The following TTC22 variants were observed in gnomAD, a reference collection of about 807,000 sequenced individuals.
The protein encoded by TTC22 is tetratricopeptide repeat protein 22.
TTC22 carries 42 observed loss-of-function variants against 48.2 expected under a neutral mutation model. The ratio of observed to expected loss-of-function variants is 0.87; its 90% confidence interval spans 0.68 to 1.13. The LOEUF (loss-of-function observed/expected upper bound fraction) is 1.13. Ranked by LOEUF, TTC22 falls within the 50% of genes most tolerant of loss-of-function variation. The probability of loss-of-function intolerance (pLI) is 0.00; values close to 1 mark genes in which losing one functional copy is unlikely to be tolerated. For synonymous variants in TTC22, 345 were observed against 365.5 expected (o/e 0.94, Z 0.64); for missense variants, 784 against 807.0 (o/e 0.97, Z 0.34).
At position 54,781,728 on chromosome 1, in the gene TTC22, C is replaced by G; in HGVS notation, c.1225G>C (p.Glu409Gln). 6 of 1,513,466 alleles carry G rather than the reference C, an allele frequency of 4.0e-6. No homozygotes were observed. The highest frequency in any genetic ancestry group is 5.3e-6 in the Non-Finnish European group (6 of 1,135,548). 93.8% of individuals were successfully genotyped at this position (1,513,466 alleles called of 1,614,324 possible). Reference sequence around the variant, plus strand: ...ACCAGCGCCTGGTTCAGCGCCGCCTCGTCCACCGCCAGCAGCTCCTGCACC... The same window carrying G: ...ACCAGCGCCTGGTTCAGCGCCGCCTGGTCCACCGCCAGCAGCTCCTGCACC... ...DAVQELLAVD[E>Q]AALNQALVFL... Residue 409 changes from glutamate (E) to glutamine (Q), a missense_variant, in exon 7 of 7, where the codon GAG becomes CAG. Coordinates refer to ENST00000371276, the MANE Select transcript of TTC22 (RefSeq NM_001114108.2).
chr1:54,795,341 T>C (rs751658974), intron 1 of TTC22, among the ~76,000 whole-genome samples: 8 of 152,352 alleles, frequency 5.3e-5, no homozygotes, highest in Non-Finnish European at 1.2e-4. Context: ...TGGCCCTGTC[T>C]TGGGCTCCCT....
intron 1 of TTC22, among the ~76,000 whole-genome samples, chr1:54,798,551 G>A (rs902608076): frequency 9.9e-5 from 15 of 152,250 alleles, no homozygotes; most frequent in Admixed American, 8.5e-4. Context: ...TGTGATGAAT[G>A]CCTGTGTCCT....
chr1:54,794,849 A>C (rs764782590), intron 1 of TTC22: 1 of 152,386 alleles, frequency 6.6e-6, no homozygotes, highest in Non-Finnish European at 1.5e-5. Context: ...TGTTGTTTCC[A>C]CCTCATCATG....
chr1:54,788,014 C>T, intron 2 of TTC22, 28 bp downstream of exon 2: 1 of 1,610,516 alleles, frequency 6.2e-7, no homozygotes, highest in South Asian at 1.1e-5. Flanking sequence ...CTCTTCCATC[C>T]CGTACCCCCA....
At chr1:54,797,929 C>T (rs1345319762) in intron 1 of TTC22, among the ~76,000 whole-genome samples, 1 of 151,754 alleles carries the variant, frequency 6.6e-6, no homozygotes, top group Non-Finnish European at 1.5e-5. Context: ...GCAGGGGGTC[C>T]CTCCTCCTCC....
Position 54,781,162 on chromosome 1 carries a change from G to T in TTC22, c.*81C>A. The T allele has an allele frequency of 9.7e-7, 1 of 1,027,850 alleles. No individual in the cohort carries two copies. Among genetic ancestry groups the T allele is most frequent in the Non-Finnish European group, 1.3e-6 (1 of 767,840 alleles). The allele number at this position is 1,027,850 out of a possible 1,614,324, so 63.7% of individuals were successfully genotyped here. A position where few individuals can be genotyped will look rare whatever the true frequency, so the allele number is the denominator to read the frequency against. ...CGCTCCCAGGTCAGCCTAAGGCAGG[G>T]AGTCCATCCGGACCTGGTCCCATCA... On this transcript the variant is annotated 3_prime_UTR_variant, in exon 7 of 7. Coordinates refer to ENST00000371276, the MANE Select transcript of TTC22 (RefSeq NM_001114108.2).
chr1:54,787,686 T>A (rs746628921), intron 3 of TTC22, 25 bp downstream of exon 3: 2 of 1,569,500 alleles, frequency 1.3e-6, no homozygotes, highest in Non-Finnish European at 1.7e-6. Flanking sequence ...GAGGCTGCTG[T>A]CCCACCCATC....
Position 54,781,187 on chromosome 1 carries a change from A to C in TTC22, c.*56T>G. ...GAGTCCATCCGGACCTGGTCCCATC[A>C]GCTGGGCGGGGCCTGGGCGGGGTCC... On this transcript the variant is annotated 3_prime_UTR_variant, in exon 7 of 7. Transcript: ENST00000371276. 1 of 1,278,992 alleles carries C rather than the reference A, an allele frequency of 7.8e-7. No individual in the cohort carries two copies. 79.2% of individuals were successfully genotyped at this position (1,278,992 alleles called of 1,614,324 possible). A position where few individuals can be genotyped will look rare whatever the true frequency, so the allele number is the denominator to read the frequency against.
Position 54,801,039 on chromosome 1 carries a change from C to T in TTC22, c.125G>A (p.Arg42His), listed in dbSNP as rs1646433275. ...CCGCTGCAGCTTCAGGTCCCGGGCG[C>T]GCTGTGGGGCCGGCGAGCGCGGCTC... ...NFEPRSPAPQRARDLKLQREG... is the reference protein window; with the variant it reads ...NFEPRSPAPQHARDLKLQREG... Residue 42 changes from arginine (R) to histidine (H), a missense_variant, in exon 1 of 7, where the codon CGC becomes CAC. Transcript: ENST00000371276. 6.2e-7 allele frequency: 1 copy of T among 1,612,076 alleles called. No individual in the cohort carries two copies.
chr1:54,787,322 G>A, intron 3 of TTC22: 1 of 548,820 alleles, frequency 1.8e-6, no homozygotes, highest in Non-Finnish European at 3.2e-6. Context: ...CAGGTACGTA[G>A]GTCTCTTCTG....
rs1342642308 is a variant in TTC22, at chr1:54,788,052, G to A, written c.613C>T (p.Leu205Phe). 4 of 1,613,840 alleles carry A rather than the reference G, an allele frequency of 2.5e-6. No homozygotes were observed. The highest frequency in any genetic ancestry group is 3.4e-6 in the Non-Finnish European group (4 of 1,179,944). ...ACCCTCTTGCCTGACCTGATGTAGA[G>A]TGTTGCCATGGTGAAATACCAGCCC... ...KRGWYFTMAT[L>F]YIRLDGIFLE... Residue 205 changes from leucine to phenylalanine, a missense_variant, in exon 2 of 7, where the codon CTC (leucine) becomes TTC (phenylalanine). Leu to Phe is a conservative substitution (Grantham distance 22, BLOSUM62 0). Coordinates refer to ENST00000371276, the MANE Select transcript of TTC22 (RefSeq NM_001114108.2).
intron 1 of TTC22, among the ~76,000 whole-genome samples, chr1:54,797,785 T>C (rs1013802161): frequency 5.9e-5 from 9 of 152,214 alleles, no homozygotes; most frequent in Non-Finnish European, 1.3e-4. Context: ...ATTATTATTG[T>C]TATTATTTTG....
At chr1:54,782,720 A>T (rs1051522722) in intron 5 of TTC22, among the ~76,000 whole-genome samples, 5 of 152,184 alleles carry the variant, frequency 3.3e-5, no homozygotes, top group African/African-American at 1.2e-4. Flanking sequence ...AGGATGAAGT[A>T]AGAGTCCCTT....
chr1:54,792,676 GC>G (rs976362796), intron 1 of TTC22, among the ~76,000 whole-genome samples: 5 of 152,108 alleles, frequency 3.3e-5, no homozygotes, highest in African/African-American at 1.2e-4. Context: ...CGGGTGATCT[GC>G]CCGCCTCGGC....
At chr1:54,796,991 G>A (rs1379488924) in intron 1 of TTC22, among the ~76,000 whole-genome samples, 1 of 152,128 alleles carries the variant, frequency 6.6e-6, no homozygotes, top group Non-Finnish European at 1.5e-5. Flanking sequence ...GTGGGCCAGG[G>A]CAGGCAGGGA....
chr1:54,786,589 G>T (rs1352598617), intron 4 of TTC22: 1 of 256,630 alleles, frequency 3.9e-6, no homozygotes, highest in Non-Finnish European at 7.3e-6. Flanking sequence ...CTTGCCTTAG[G>T]GTCACACAGC....
At chr1:54,796,406 A>G (rs1440110695) in intron 1 of TTC22, among the ~76,000 whole-genome samples, 1 of 152,226 alleles carries the variant, frequency 6.6e-6, no homozygotes, top group Non-Finnish European at 1.5e-5. Context: ...CACTGGGCCT[A>G]CCTGGGCAAG....
At chr1:54,781,995 A>G (rs1205207350) in intron 6 of TTC22, among the ~76,000 whole-genome samples, 2 of 152,224 alleles carry the variant, frequency 1.3e-5, no homozygotes, top group African/African-American at 2.4e-5. Context: ...TATAACCTTG[A>G]GTGAGTCAAT....
At chr1:54,789,402 G>T (rs1257411028) in intron 1 of TTC22, among the ~76,000 whole-genome samples, 1 of 152,234 alleles carries the variant, frequency 6.6e-6, no homozygotes, top group Non-Finnish European at 1.5e-5. Context: ...GGCAGCTGAT[G>T]GGTGTGCAGC....
Sources: gnomAD v4.1 joint callset for allele counts (sites outside exome capture counted in the v4.1 genomes callset) on GRCh38, gnomAD v4.1.1 for gene constraint, MANE v1.5 for transcripts, NCBI Gene and HGNC (gene_info 2026-07-23, HGNC 2026-07-21) for gene names.